Variants in CNPY1 observed in about 807,000 individuals in gnomAD.
CNPY1 encodes protein canopy homolog 1.
A neutral mutation model predicts 14.4 loss-of-function variants in CNPY1; 14 were observed. The ratio of observed to expected loss-of-function variants is 0.97; its 90% CI spans 0.64 to 1.52. The LOEUF is 1.52. Among genes scored for constraint, CNPY1 ranks in the 40% most tolerant of loss-of-function variants. The probability of loss-of-function intolerance (pLI) is 0.00; values close to 1 mark genes in which losing one functional copy is unlikely to be tolerated. For synonymous variants in CNPY1, 43 were observed against 46.5 expected (o/e 0.92, Z 0.31); for missense variants, 129 against 131.5 (o/e 0.98, Z 0.09).
At chr7:155,512,724 CGTT>C (rs996165973) in intron 2 of CNPY1, among the ~76,000 whole-genome samples, 3 of 152,294 alleles carry the variant, frequency 2.0e-5, no homozygotes, top group East Asian at 1.9e-4. Flanking sequence ...TGGAAACTGT[CGTT>C]GTGGTATATC....
At chr7:155,534,281 TCACA>T (rs199632318) in intron 2 of CNPY1, among the ~76,000 whole-genome samples, 10 of 151,712 alleles carry the variant, frequency 6.6e-5, no homozygotes, top group Middle Eastern at 3.2e-3. Flanking sequence ...GACTTTGAGC[TCACA>T]CACACACACT....
chr7:155,536,522 C>T lies in CNPY1; in HGVS notation c.99+9309G>A, dbSNP rs141694730. ...GACACACAGCTCGACTGTTTCCAGC[C>T]CTTCTTCCAACTAGGTGAGGACATG... On this transcript the variant is annotated intron_variant, in intron 2 of 4. Transcript: ENST00000636446. This position sits in a 1 kb window ranked among gnomAD's most constrained non-coding sequence, Gnocchi z 4.1. Among the ~76,000 whole-genome samples, 24 of 152,296 alleles carry T rather than the reference C, an allele frequency of 1.6e-4. No homozygotes were observed. The highest frequency in any genetic ancestry group is 5.9e-4 in the Admixed American group (9 of 15,286).
intron 2 of CNPY1, among the ~76,000 whole-genome samples, chr7:155,530,429 C>T (rs536190997): frequency 6.6e-6 from 1 of 152,046 alleles, no homozygotes; most frequent in East Asian, 1.9e-4. Context: ...CCCCTCTCCC[C>T]TCCATGACCC....
intron 2 of CNPY1, among the ~76,000 whole-genome samples, chr7:155,525,049 A>G (rs528337542): frequency 6.6e-6 from 1 of 152,296 alleles, no homozygotes; most frequent in South Asian, 2.1e-4. Flanking sequence ...ACTCCATGCT[A>G]TGCTACCATC....
chr7:155,507,479 A>T (rs1796364227), intron 3 of CNPY1, among the ~76,000 whole-genome samples: 1 of 124,864 alleles, frequency 8.0e-6, no homozygotes, highest in Non-Finnish European at 1.8e-5. Context: ...ACTAAAAAAA[A>T]AAAAAAAAAA....
rs1381388564 is a variant in CNPY1 at position 155,501,697 on chromosome 7, T to A, written c.*1371A>T. ...GAAAATAGTGTTAATTATTATTCAG[T>A]TCTATTTCCATCGTGTGTCAGCTCG... is the stretch of plus-strand genomic sequence containing the variant. On this transcript the variant is annotated 3_prime_UTR_variant, in exon 5 of 5. Coordinates refer to ENST00000636446, the MANE Select transcript of CNPY1 (RefSeq NM_001393663.1). 1 of 152,222 alleles carries A rather than the reference T, an allele frequency of 6.6e-6. No individual in the cohort carries two copies. The highest frequency in any genetic ancestry group is 1.5e-5 in the Non-Finnish European group (1 of 68,032). 9.4% of individuals were successfully genotyped at this position (152,222 alleles called of 1,614,324 possible). A position where few individuals can be genotyped will look rare whatever the true frequency, so the allele number is the denominator to read the frequency against.
intron 2 of CNPY1, among the ~76,000 whole-genome samples, chr7:155,544,122 G>C (rs1311666235): frequency 6.6e-6 from 1 of 152,182 alleles, no homozygotes; most frequent in African/African-American, 2.4e-5. Context: ...ATCACTCAAG[G>C]ATGCAGTGTG....
intron 2 of CNPY1, among the ~76,000 whole-genome samples, chr7:155,523,368 T>C (rs921524059): frequency 6.7e-6 from 1 of 149,748 alleles, no homozygotes; most frequent in Admixed American, 6.7e-5. Context: ...GGGCAGGGAG[T>C]GGTGTTTCAC....
intron 2 of CNPY1, among the ~76,000 whole-genome samples, chr7:155,538,724 G>A (rs1797051711): frequency 6.6e-6 from 1 of 152,174 alleles, no homozygotes; most frequent in Admixed American, 6.5e-5. Flanking sequence ...TGTTAAAAAA[G>A]AGACCCCATG....
At chr7:155,506,983 T>TGCGAGCA in intron 4 of CNPY1, 37 bp downstream of exon 4, 1 of 1,342,242 alleles carries the variant, frequency 7.5e-7, no homozygotes, top group Non-Finnish European at 1.1e-6. Flanking sequence ...AGAGAGGGTG[T>TGCGAGCA]GCGAGCAGCG....
intron 2 of CNPY1, among the ~76,000 whole-genome samples, chr7:155,519,546 TAAATAAATAAATAAATAAGA>T (rs971018704): frequency 2.8e-5 from 4 of 144,276 alleles, no homozygotes; most frequent in African/African-American, 1.1e-4. Context: ...AATAAATAAA[TAAATAAATAAATAAATAAGA>T]AAGAAAGAAG....
intron 4 of CNPY1, among the ~76,000 whole-genome samples, chr7:155,504,269 C>CATTAA (rs1796220627): frequency 6.6e-6 from 1 of 151,972 alleles, no homozygotes; most frequent in Non-Finnish European, 1.5e-5. Flanking sequence ...AAAAATGACA[C>CATTAA]ATAATGTTTA....
At position 155,546,554 on chromosome 7, in the gene CNPY1, T is replaced by C; in HGVS notation, c.-140A>G. The C allele has an allele frequency of 2.6e-6, 1 of 388,920 alleles. No homozygotes were observed. The highest frequency in any genetic ancestry group is 3.6e-5 in the East Asian group (1 of 27,450). The allele number at this position is 388,920 out of a possible 1,614,324, so 24.1% of individuals were successfully genotyped here. ...TCTTGCTCTGTCACCCAGGCTGGAG[T>C]GCAGTGGTGCAATCTCAGCTCACTG... is the stretch of plus-strand genomic sequence containing the variant. On this transcript the variant is annotated 5_prime_UTR_variant, in exon 1 of 5. Coordinates refer to ENST00000636446, the MANE Select transcript of CNPY1 (RefSeq NM_001393663.1).
intron 4 of CNPY1, chr7:155,506,519 G>A: frequency 6.4e-6 from 1 of 156,602 alleles, no homozygotes; most frequent in Non-Finnish European, 1.4e-5. Context: ...GTAGATACAG[G>A]AATGGAACCT....
At chr7:155,531,717 A>C (rs1191817990) in intron 2 of CNPY1, among the ~76,000 whole-genome samples, 1 of 152,230 alleles carries the variant, frequency 6.6e-6, no homozygotes, top group Non-Finnish European at 1.5e-5. Flanking sequence ...TCAGCTTCAC[A>C]CAATCACACC....
At chr7:155,520,587 T>G (rs904458769) in intron 2 of CNPY1, among the ~76,000 whole-genome samples, 2 of 151,910 alleles carry the variant, frequency 1.3e-5, no homozygotes, top group African/African-American at 4.8e-5. Flanking sequence ...ACAGCAGTTG[T>G]CTCTTTTAAG....
chr7:155,520,746 T>C lies in CNPY1; in HGVS notation c.100-11649A>G, dbSNP rs141853172. Among the ~76,000 whole-genome samples the C allele has an allele frequency of 1.9e-3, 282 of 152,324 alleles. 3 individuals carry two copies. The highest frequency in any genetic ancestry group is 6.4e-3 in the African/African-American group (268 of 41,570). ...TGACATTAAATGTCTTCCCTCTTGA[T>C]GCTGTGCATTGGACTAAGGGTTCTC... On this transcript the variant is annotated intron_variant, in intron 2 of 4. Coordinates refer to ENST00000636446, the MANE Select transcript of CNPY1 (RefSeq NM_001393663.1).
chr7:155,520,962 A>G (rs1411544438), intron 2 of CNPY1, among the ~76,000 whole-genome samples: 2 of 152,038 alleles, frequency 1.3e-5, no homozygotes, highest in Non-Finnish European at 1.5e-5. Context: ...TCCCATCTCC[A>G]TTAAAAATAT....
At chr7:155,510,876 T>C (rs1407950121) in intron 2 of CNPY1, among the ~76,000 whole-genome samples, 1 of 152,242 alleles carries the variant, frequency 6.6e-6, no homozygotes, top group Non-Finnish European at 1.5e-5. Context: ...GGAAAAACTA[T>C]AAAATGCAGA....
Sources: allele counts gnomAD v4.1 joint callset (sites outside exome capture counted in the v4.1 genomes callset), GRCh38; gene constraint gnomAD v4.1.1; non-coding constraint Gnocchi (gnomAD v3.1); transcripts MANE v1.5; gene names NCBI Gene and HGNC (gene_info 2026-07-23, HGNC 2026-07-21).